Variants in MAGOH observed in about 807,000 individuals in gnomAD.
MAGOH encodes mago homolog, exon junction complex subunit, also known as protein mago nashi homolog.
A neutral mutation model predicts 20.9 loss-of-function variants in MAGOH; 3 were observed. The observed-to-expected ratio is 0.14, with a 90% CI of 0.07 to 0.37. The LOEUF (loss-of-function observed/expected upper bound fraction) is 0.37, where lower values mean the gene tolerates loss of function less well. Among genes scored for constraint, MAGOH ranks in the 10% least tolerant of loss-of-function variants. The pLI is 1.00. For missense variants in MAGOH, 66 were observed against 178.1 expected (o/e 0.37, Z 3.58); for synonymous variants, 51 against 61.0 (o/e 0.84, Z 0.76).
chr1:53,230,318 AAAG>A (rs1390541654), intron 3 of MAGOH, among the ~76,000 whole-genome samples: 4 of 152,328 alleles, frequency 2.6e-5, no homozygotes, highest in African/African-American at 4.8e-5. Context: ...TTTTTTTAAA[AAAG>A]AAGTAAAATA....
chr1:53,233,659 G>T lies in MAGOH; in HGVS notation c.148-7C>A. ...CGCTTTTATGTACATAAGCCTGAAC[G>T]CAAGTTAAAAAACAAAATGTATGTT... On this transcript the variant is annotated splice_region_variant and splice_polypyrimidine_tract_variant and intron_variant, in intron 2 of 4. Coordinates refer to ENST00000371470, the MANE Select transcript of MAGOH (RefSeq NM_002370.4). 6.3e-7 allele frequency: 1 copy of T among 1,579,604 alleles called. No homozygotes were observed. Among genetic ancestry groups the T allele is most frequent in the Non-Finnish European group, 8.7e-7 (1 of 1,149,966 alleles).
intron 3 of MAGOH, 141 bp from the exon 4 acceptor site, chr1:53,229,095 CTG>C: frequency 3.2e-6 from 2 of 622,690 alleles, no homozygotes; most frequent in Admixed American, 5.3e-5. Context: ...GAGCACTAAA[CTG>C]TGCTGGGCAC....
chr1:53,235,667 A>C, intron 1 of MAGOH, 32 bp from the exon 2 acceptor site: 1 of 1,559,858 alleles, frequency 6.4e-7, no homozygotes, highest in Non-Finnish European at 8.8e-7. Context: ...TCAACGTATA[A>C]TAAAAACATA....
chr1:53,234,996 G>C (rs1572397692), intron 2 of MAGOH, among the ~76,000 whole-genome samples: 2 of 151,872 alleles, frequency 1.3e-5, no homozygotes, highest in East Asian at 3.9e-4. Flanking sequence ...TTAATACCTG[G>C]GCCTTTATTT....
chr1:53,227,068 G>A lies in MAGOH; in HGVS notation c.418C>T (p.His140Tyr). 6.7e-7 allele frequency: 1 copy of A among 1,497,180 alleles called. No individual in the cohort carries two copies. Among genetic ancestry groups the A allele is most frequent in the Non-Finnish European group, 9.1e-7 (1 of 1,098,188 alleles). 92.7% of individuals were successfully genotyped at this position (1,497,180 alleles called of 1,614,324 possible). A position where few individuals can be genotyped will look rare whatever the true frequency, so the allele number is the denominator to read the frequency against. Residue 140 changes from histidine (H) to tyrosine (Y), a missense_variant, in exon 5 of 5, where the codon CAC becomes TAC. Coordinates refer to ENST00000371470, the MANE Select transcript of MAGOH (RefSeq NM_002370.4). ...GTCTAGATTGGTTTAATCTTGAAGTGTAATCCAATAAGACTGAAGACCAAA... is the reference window on the plus strand; with the variant it reads ...GTCTAGATTGGTTTAATCTTGAAGTATAATCCAATAAGACTGAAGACCAAA... ...KCLVFSLIGL[H>Y]FKIKPI
At chr1:53,231,975 C>T (rs1645588521) in intron 3 of MAGOH, among the ~76,000 whole-genome samples, 1 of 152,122 alleles carries the variant, frequency 6.6e-6, no homozygotes, top group South Asian at 2.1e-4. Flanking sequence ...TTCCCAAGTT[C>T]TTTATAACTC....
Position 53,235,613 on chromosome 1 carries a change from G to A in MAGOH, c.111C>T (p.Asn37=), listed in dbSNP as rs148806439. The part of the protein sequence containing the change: ...RPDGKLRYAN[N]SNYKNDVMIR... ...TCATGACATCATTCTTGTAATTGCT[G>A]TTGTTGGCATATCTTAACTTCCCTG... Residue 37 remains asparagine, a synonymous_variant, in exon 2 of 5, where the codon AAC becomes AAT. Transcript: ENST00000371470. The A allele has an allele frequency of 6.3e-5, 101 of 1,613,852 alleles. No individual in the cohort carries two copies. The African/African-American group carries it at 1.3e-3, about 20-fold the overall frequency.
chr1:53,232,455 A>C (rs1295548700), intron 3 of MAGOH, among the ~76,000 whole-genome samples: 1 of 152,264 alleles, frequency 6.6e-6, no homozygotes. Flanking sequence ...AAGAAAAAAA[A>C]ACACAAAAAG....
Position 53,233,973 on chromosome 1 carries a change from T to C in MAGOH, c.148-321A>G, listed in dbSNP as rs766066860. Reference sequence around the variant, plus strand: ...TGAGTGCCCCCTGCCATGGTTTGAATGTTTTTGTCTCCTCCAAAAAAATCA... The same window carrying C: ...TGAGTGCCCCCTGCCATGGTTTGAACGTTTTTGTCTCCTCCAAAAAAATCA... On this transcript the variant is annotated intron_variant, in intron 2 of 4. Coordinates refer to ENST00000371470, the MANE Select transcript of MAGOH (RefSeq NM_002370.4). 4.3e-4 allele frequency: 98 copies of C among 228,274 alleles called. 2 individuals carry two copies. The highest frequency in any genetic ancestry group is 1.6e-3 in the Middle Eastern group (1 of 620). 14.1% of individuals were successfully genotyped at this position (228,274 alleles called of 1,614,324 possible).
chr1:53,227,019 C>T lies in MAGOH; in HGVS notation c.*26G>A, dbSNP rs751803884. ...CACAAAATTTTCTACTCCCACCCAC[C>T]CCCCATGTCCACACCAATATTCAGT... On this transcript the variant is annotated 3_prime_UTR_variant, in exon 5 of 5. Transcript: ENST00000371470. The T allele has an allele frequency of 1.9e-6, 2 of 1,075,838 alleles. No homozygotes were observed. The highest frequency in any genetic ancestry group is 1.5e-5 in the South Asian group (1 of 67,218). The allele number at this position is 1,075,838 out of a possible 1,614,324, so 66.6% of individuals were successfully genotyped here. A position where few individuals can be genotyped will look rare whatever the true frequency, so the allele number is the denominator to read the frequency against.
intron 1 of MAGOH, 93 bp downstream of exon 1, chr1:53,238,268 T>C: frequency 8.8e-7 from 1 of 1,139,558 alleles, no homozygotes; most frequent in Non-Finnish European, 1.3e-6. Flanking sequence ...CCCTCCCTCC[T>C]CTAGTTCCCC....
chr1:53,234,202 G>C (rs1486935548), intron 2 of MAGOH, among the ~76,000 whole-genome samples: 1 of 152,070 alleles, frequency 6.6e-6, no homozygotes, highest in Non-Finnish European at 1.5e-5. Flanking sequence ...GCACAGTTGT[G>C]GAAGCAGAGA....
chr1:53,236,973 CAG>C (rs1227104878), intron 1 of MAGOH, among the ~76,000 whole-genome samples: 2 of 130,272 alleles, frequency 1.5e-5, no homozygotes, highest in Admixed American at 1.7e-4. Context: ...TTTTTTGAGA[CAG>C]AGTCTTGCTC....
chr1:53,228,707 C>A (rs1276794279), intron 4 of MAGOH, among the ~76,000 whole-genome samples, 165 bp downstream of exon 4: 2 of 152,138 alleles, frequency 1.3e-5, no homozygotes, highest in Admixed American at 6.5e-5. Flanking sequence ...AGGAGCAAGT[C>A]CTCAAAAATA....
At chr1:53,235,058 T>G (rs1409596038) in intron 2 of MAGOH, among the ~76,000 whole-genome samples, 2 of 152,172 alleles carry the variant, frequency 1.3e-5, no homozygotes, top group African/African-American at 4.8e-5. Context: ...GGGCTTACAA[T>G]CAGGGTTAAA....
chr1:53,229,827 G>A (rs1220708154), intron 3 of MAGOH, among the ~76,000 whole-genome samples: 1 of 152,166 alleles, frequency 6.6e-6, no homozygotes, highest in African/African-American at 2.4e-5. Context: ...GCTGAGGTGG[G>A]AGGATTCCTT....
intron 2 of MAGOH, among the ~76,000 whole-genome samples, chr1:53,234,287 A>G (rs1216374455): frequency 1.3e-5 from 2 of 151,894 alleles, no homozygotes; most frequent in Non-Finnish European, 2.9e-5. Flanking sequence ...TGTGAGAAAT[A>G]TATTTTTACT....
At position 53,237,155 on chromosome 1, in the gene MAGOH, G is replaced by T. The variant is rs191323539; in HGVS notation, c.88+1206C>A. On this transcript the variant is annotated intron_variant, in intron 1 of 4. Coordinates refer to ENST00000371470, the MANE Select transcript of MAGOH (RefSeq NM_002370.4). ...GTAGAGGCGGGGTTTCACCATGTTG[G>T]CCAGGCTGGTCTTGAACTCCTGACC... Among the ~76,000 whole-genome samples the T allele has an allele frequency of 9.8e-3, 1,474 of 150,258 alleles. 26 individuals carry two copies. Among genetic ancestry groups the T allele is most frequent in the African/African-American group, 0.035 (1,417 of 40,922 alleles).
At chr1:53,238,291 C>A in intron 1 of MAGOH, 70 bp downstream of exon 1, 1 of 1,425,642 alleles carries the variant, frequency 7.0e-7, no homozygotes, top group South Asian at 1.1e-5. Context: ...AGATTTCCGA[C>A]CCTCGGCCTC....
Sources: gnomAD v4.1 joint callset for allele counts (sites outside exome capture counted in the v4.1 genomes callset) on GRCh38, gnomAD v4.1.1 for gene constraint, MANE v1.5 for transcripts, NCBI Gene and HGNC (gene_info 2026-07-23, HGNC 2026-07-21) for gene names.